LEMD3: variants seen among roughly 807,000 people sequenced by gnomAD.
The protein encoded by LEMD3 is LEM domain containing 3.
A neutral mutation model predicts 95.2 loss-of-function variants in LEMD3; 33 were observed. The ratio of observed to expected loss-of-function variants is 0.35; its 90% CI spans 0.26 to 0.46. The LOEUF is 0.46. Among genes scored for constraint, LEMD3 ranks in the 20% least tolerant of loss-of-function variants. The pLI is 1.00. For missense variants in LEMD3, 1,210 were observed against 1,192.8 expected (o/e 1.01, Z -0.21); for synonymous variants, 525 against 474.6 (o/e 1.11, Z -1.38).
intron 8 of LEMD3, 95 bp downstream of exon 8, chr12:65,240,333 C>G (rs563637623): frequency 1.3e-5 from 12 of 929,236 alleles, no homozygotes; most frequent in Non-Finnish European, 2.1e-5. Context: ...CCCTTCTCAA[C>G]TAGACTTGCT....
chr12:65,192,501 C>T (rs1189614471), intron 1 of LEMD3, among the ~76,000 whole-genome samples: 1 of 152,060 alleles, frequency 6.6e-6, no homozygotes, highest in African/African-American at 2.4e-5. Context: ...GTTACTTTTT[C>T]CCTTAACAAA....
intron 1 of LEMD3, among the ~76,000 whole-genome samples, chr12:65,180,235 C>T (rs989748325): frequency 2.6e-5 from 4 of 152,100 alleles, no homozygotes; most frequent in Admixed American, 2.0e-4. Flanking sequence ...TGTGCGCCAC[C>T]GTGCCCTGCC....
At position 65,170,256 on chromosome 12, in the gene LEMD3, G is replaced by C; in HGVS notation, c.660G>C (p.Glu220Asp). Residue 220 changes from glutamate (E) to aspartate (D), a missense_variant, in exon 1 of 13, where the codon GAG (glutamate) becomes GAC (aspartate). Coordinates refer to ENST00000308330, the MANE Select transcript of LEMD3 (RefSeq NM_014319.5). ...PPGKDGAVEDEEGEGEDGEER... is the reference protein window; with the variant it reads ...PPGKDGAVEDDEGEGEDGEER... The stretch of plus-strand genomic sequence containing the variant: ...GGAAAGATGGAGCAGTGGAGGACGA[G>C]GAAGGGGAGGGAGAGGACGGTGAGG... The C allele has an allele frequency of 6.4e-7, 1 of 1,555,542 alleles. No homozygotes were observed. The highest frequency in any genetic ancestry group is 8.7e-7 in the Non-Finnish European group (1 of 1,148,980).
chr12:65,178,925 A>G (rs970288311), intron 1 of LEMD3, among the ~76,000 whole-genome samples: 1 of 152,224 alleles, frequency 6.6e-6, no homozygotes, highest in Non-Finnish European at 1.5e-5. Context: ...GGAATAATCT[A>G]TGAAACCTAA....
intron 1 of LEMD3, among the ~76,000 whole-genome samples, chr12:65,206,173 C>T (rs562733933): frequency 6.6e-6 from 1 of 152,224 alleles, no homozygotes; most frequent in South Asian, 2.1e-4. Flanking sequence ...TAAAATTATG[C>T]TGTGCTTAGA....
intron 1 of LEMD3, among the ~76,000 whole-genome samples, chr12:65,179,060 C>T (rs1359740211): frequency 6.6e-6 from 1 of 152,038 alleles, no homozygotes; most frequent in Non-Finnish European, 1.5e-5. Context: ...ATATATAATA[C>T]ATAGAACAAT....
Position 65,170,363 on chromosome 12 carries a change from A to G in LEMD3, c.767A>G (p.Glu256Gly). The change falls in exon 1 of 13, where the codon GAA (glutamate) becomes GGA (glycine). Residue 256 changes from glutamate (E) to glycine (G), a missense_variant. Glu to Gly is a moderately conservative substitution (Grantham distance 98). Coordinates refer to ENST00000308330, the MANE Select transcript of LEMD3 (RefSeq NM_014319.5). ...CGGCTTGTCCCCTACAGCTGCCGGG[A>G]AAACTATTCGGACTCAGAGGAAGAG... Reference protein sequence around the residue: ...GSRLVPYSCRENYSDSEEEDD... With the variant: ...GSRLVPYSCRGNYSDSEEEDD... 2 of 1,612,804 alleles carry G rather than the reference A, an allele frequency of 1.2e-6. No homozygotes were observed. Among genetic ancestry groups the G allele is most frequent in the Non-Finnish European group, 1.7e-6 (2 of 1,179,408 alleles).
In LEMD3 at chr12:65,246,197, A is replaced by C. The variant is rs1032759881; in HGVS notation, c.2608A>C (p.Arg870=). 3.7e-6 allele frequency: 6 copies of C among 1,612,218 alleles called. No individual in the cohort carries two copies. In the African/African-American group the frequency reaches 8.0e-5, roughly 22 times the overall value. ...LVTVKYLRLD[R]YHHRFPQALT... is the part of the protein sequence containing the mutation. ...TACAGTAAAATATTTACGACTAGAT[A>C]GATACCACCATCGCTTTCCCCAGGC... The change falls in exon 13 of 13, where the codon AGA becomes CGA. Residue 870 remains arginine, a synonymous_variant. Coordinates refer to ENST00000308330, the MANE Select transcript of LEMD3 (RefSeq NM_014319.5).
At position 65,228,457 on chromosome 12, in the gene LEMD3, G is replaced by A. The variant is rs187303772; in HGVS notation, c.1695+9838G>A. On this transcript the variant is annotated intron_variant, in intron 4 of 12. Transcript: ENST00000308330. ...GTTGCCCAGGCTGGAGTGCAGTGGC[G>A]AGATCTCGGCTCACCGCAAGCTCTC... is the stretch of plus-strand genomic sequence containing the variant. 4.6e-5 allele frequency among the ~76,000 whole-genome samples: 7 copies of A among 150,722 alleles called. No homozygotes were observed. In the East Asian group the frequency reaches 9.8e-4, roughly 21 times the overall value.
chr12:65,191,809 C>T (rs779238402), intron 1 of LEMD3, among the ~76,000 whole-genome samples: 29 of 151,378 alleles, frequency 1.9e-4, no homozygotes, highest in Middle Eastern at 3.4e-3. Context: ...CCTGTGGTCC[C>T]GGTTACTCAG....
chr12:65,170,202 G>T lies in LEMD3; in HGVS notation c.606G>T (p.Pro202=). The T allele has an allele frequency of 1.3e-6, 2 of 1,494,548 alleles. No individual in the cohort carries two copies. Among genetic ancestry groups the T allele is most frequent in the Non-Finnish European group, 1.8e-6 (2 of 1,122,140 alleles). The allele number at this position is 1,494,548 out of a possible 1,614,324, so 92.6% of individuals were successfully genotyped here. A position where few individuals can be genotyped will look rare whatever the true frequency, so the allele number is the denominator to read the frequency against. The change falls in exon 1 of 13, where the codon CCG becomes CCT. Residue 202 remains proline (P), a synonymous_variant. Transcript: ENST00000308330. ...KPHSWWGARR[P]AGPELQTPPG... Reference sequence around the variant, plus strand: ...ACTCGTGGTGGGGGGCCAGGAGGCCGGCGGGCCCCGAGCTGCAGACCCCGC... The same window carrying T: ...ACTCGTGGTGGGGGGCCAGGAGGCCTGCGGGCCCCGAGCTGCAGACCCCGC...
intron 4 of LEMD3, among the ~76,000 whole-genome samples, chr12:65,234,097 A>G (rs1870706845): frequency 6.6e-6 from 1 of 152,204 alleles, no homozygotes; most frequent in Admixed American, 6.5e-5. Flanking sequence ...GTTATTGGAA[A>G]ATGTTTGTTT....
At chr12:65,218,748 A>AAT (rs1565792489) in intron 4 of LEMD3, 129 bp downstream of exon 4, 2 of 575,246 alleles carry the variant, frequency 3.5e-6, no homozygotes, top group South Asian at 2.1e-5. Context: ...TGTTTGGTAT[A>AAT]ATATGAGCAG....
chr12:65,180,333 T>C (rs963764690), intron 1 of LEMD3, among the ~76,000 whole-genome samples: 1 of 150,236 alleles, frequency 6.7e-6, no homozygotes, highest in Non-Finnish European at 1.5e-5. Flanking sequence ...TGCTTTAAAC[T>C]GCATCAGTTT....
At chr12:65,226,580 A>G (rs1040531182) in intron 4 of LEMD3, among the ~76,000 whole-genome samples, 1 of 152,238 alleles carries the variant, frequency 6.6e-6, no homozygotes, top group Non-Finnish European at 1.5e-5. Context: ...ATGCTTGTCA[A>G]CAAAGAGAAA....
chr12:65,222,647 T>G (rs1274922734), intron 4 of LEMD3, among the ~76,000 whole-genome samples: 3 of 152,138 alleles, frequency 2.0e-5, no homozygotes, highest in Non-Finnish European at 4.4e-5. Flanking sequence ...CTATTTAATT[T>G]ATTTTTGCTC....
chr12:65,225,314 A>G (rs750936661), intron 4 of LEMD3, among the ~76,000 whole-genome samples: 5 of 152,162 alleles, frequency 3.3e-5, no homozygotes, highest in African/African-American at 4.8e-5. Flanking sequence ...TGCATTTAAC[A>G]ACAACAGAAA....
chr12:65,171,331 A>G, intron 1 of LEMD3: 3 of 728,926 alleles, frequency 4.1e-6, no homozygotes, highest in Non-Finnish European at 6.4e-6. Flanking sequence ...TGCATGATGT[A>G]TTGTGAAATT....
intron 4 of LEMD3, among the ~76,000 whole-genome samples, 155 bp downstream of exon 4, chr12:65,218,774 A>C (rs1432750237): frequency 6.8e-6 from 1 of 147,298 alleles, no homozygotes; most frequent in Non-Finnish European, 1.5e-5. Context: ...AGAAAGTAAA[A>C]TTGTTCAACT....
Sources: allele counts gnomAD v4.1 joint callset (sites outside exome capture counted in the v4.1 genomes callset), GRCh38; gene constraint gnomAD v4.1.1; transcripts MANE v1.5; gene names NCBI Gene and HGNC (gene_info 2026-07-23, HGNC 2026-07-21).